Variants in CD38 observed in about 807,000 individuals in gnomAD.
The protein encoded by CD38 is ADP-ribosyl cyclase/cyclic ADP-ribose hydrolase 1.
Under a neutral mutation model 36.3 loss-of-function variants are expected in CD38, and 31 were observed. The ratio of observed to expected loss-of-function variants is 0.85; its 90% confidence interval spans 0.64 to 1.15. CD38 has a LOEUF of 1.15. Among genes scored for constraint, CD38 ranks in the 50% most tolerant of loss-of-function variants. The probability of loss-of-function intolerance (pLI) is 0.00; values close to 1 mark genes in which losing one functional copy is unlikely to be tolerated. For synonymous variants in CD38, 131 were observed against 135.2 expected, an observed-to-expected ratio of 0.97 and a Z score of 0.22; for missense variants, 380 against 371.9, an observed-to-expected ratio of 1.02 and a Z score of -0.18.
chr4:15,779,791 C>T (rs140742482), intron 1 of CD38, among the ~76,000 whole-genome samples: 33 of 150,890 alleles, frequency 2.2e-4, no homozygotes, highest in African/African-American at 7.1e-4. Context: ...TGTTAGAAAG[C>T]AACCTCATTA....
chr4:15,834,175 T>C, intron 3 of CD38, 42 bp from the exon 4 acceptor site: 1 of 1,282,760 alleles, frequency 7.8e-7, no homozygotes, highest in Non-Finnish European at 1.1e-6. Context: ...TTATTTATAC[T>C]CTCTGTTTTC....
intron 1 of CD38, among the ~76,000 whole-genome samples, chr4:15,800,031 GCA>G (rs1723185778): frequency 6.6e-6 from 1 of 152,142 alleles, no homozygotes; most frequent in Non-Finnish European, 1.5e-5. Flanking sequence ...GGGTATGCCT[GCA>G]GCTGCAGAAA....
intron 2 of CD38, among the ~76,000 whole-genome samples, chr4:15,818,679 C>A (rs1237524290): frequency 6.6e-6 from 1 of 152,168 alleles, no homozygotes; most frequent in Non-Finnish European, 1.5e-5. Context: ...CTTTGCTGTT[C>A]TGTAGCCTCC....
intron 1 of CD38, among the ~76,000 whole-genome samples, chr4:15,791,173 T>TGG (rs1560307627): frequency 8.3e-5 from 6 of 72,520 alleles, no homozygotes; most frequent in Non-Finnish European, 1.6e-4. Flanking sequence ...GGGAGGGAGG[T>TGG]GGGGGGGTCA....
intron 2 of CD38, among the ~76,000 whole-genome samples, chr4:15,823,842 T>G (rs932564327): frequency 2.0e-5 from 3 of 152,168 alleles, no homozygotes; most frequent in Non-Finnish European, 4.4e-5. Flanking sequence ...ATTATAAAGA[T>G]ATGTGCATGC....
At chr4:15,830,258 T>C (rs1468871183) in intron 3 of CD38, among the ~76,000 whole-genome samples, 1 of 152,242 alleles carries the variant, frequency 6.6e-6, no homozygotes, top group East Asian at 1.9e-4. Context: ...TTATTTGTTA[T>C]TGCCTGACTT....
chr4:15,815,888 T>C (rs1723584613), intron 1 of CD38, among the ~76,000 whole-genome samples: 1 of 152,234 alleles, frequency 6.6e-6, no homozygotes, highest in South Asian at 2.1e-4. Flanking sequence ...TAGTATGATA[T>C]GGGCTATGGG....
intron 7 of CD38, 70 bp from the exon 8 acceptor site, chr4:15,848,469 T>A: frequency 8.7e-7 from 1 of 1,149,226 alleles, no homozygotes; most frequent in Non-Finnish European, 1.3e-6. Flanking sequence ...AGGGGCTTCC[T>A]CCATTAGCGA....
At chr4:15,788,250 G>T (rs184220625) in intron 1 of CD38, among the ~76,000 whole-genome samples, 1 of 152,284 alleles carries the variant, frequency 6.6e-6, no homozygotes, top group East Asian at 1.9e-4. Context: ...GATGAGCCTG[G>T]TTCAGCCTCA....
At chr4:15,792,483 G>T (rs1212609794) in intron 1 of CD38, among the ~76,000 whole-genome samples, 1 of 133,760 alleles carries the variant, frequency 7.5e-6, no homozygotes, top group Non-Finnish European at 1.6e-5. Flanking sequence ...GAAAAGAAAA[G>T]CAGCAAGCCA....
chr4:15,793,238 G>A (rs1723042078), intron 1 of CD38, among the ~76,000 whole-genome samples: 1 of 151,564 alleles, frequency 6.6e-6, no homozygotes, highest in Non-Finnish European at 1.5e-5. Flanking sequence ...GCTTGCTACT[G>A]TGTTTTTCAT....
At chr4:15,803,027 A>G (rs1282539029) in intron 1 of CD38, among the ~76,000 whole-genome samples, 1 of 152,240 alleles carries the variant, frequency 6.6e-6, no homozygotes, top group Non-Finnish European at 1.5e-5. Flanking sequence ...CAACAGCACT[A>G]AGAACATAAA....
chr4:15,788,619 C>A (rs966206978), intron 1 of CD38, among the ~76,000 whole-genome samples: 1 of 152,012 alleles, frequency 6.6e-6, no homozygotes, highest in African/African-American at 2.4e-5. Context: ...ACTTGTTGCA[C>A]GGGGGTAGGT....
At chr4:15,848,415 T>C (rs374270692) in intron 7 of CD38, 124 bp from the exon 8 acceptor site, 7 of 623,466 alleles carry the variant, frequency 1.1e-5, no homozygotes, top group African/African-American at 1.1e-4. Flanking sequence ...GAGAGGAGTT[T>C]ATATGGATGC....
In CD38 at chr4:15,814,838, G is replaced by A. The variant is rs143050403; in HGVS notation, c.234-1673G>A. On this transcript the variant is annotated intron_variant, in intron 1 of 7. Transcript: ENST00000226279. ...TTTTTTTTTTTTGAGATGAGATCTCGCTCTGTTACCCAGGCTGGAGTGCAG... is the reference window on the plus strand; with the variant it reads ...TTTTTTTTTTTTGAGATGAGATCTCACTCTGTTACCCAGGCTGGAGTGCAG... 6.6e-3 allele frequency among the ~76,000 whole-genome samples: 980 copies of A among 148,838 alleles called. 12 individuals carry two copies. Among genetic ancestry groups the A allele is most frequent in the African/African-American group, 0.023 (918 of 40,362 alleles).
chr4:15,826,028 ATTGT>A (rs1723837197), intron 3 of CD38: 1 of 148,208 alleles, frequency 6.7e-6, no homozygotes, highest in South Asian at 2.1e-4. Context: ...ACTGTTTTTC[ATTGT>A]TTGTTTTTAA....
intron 1 of CD38, among the ~76,000 whole-genome samples, chr4:15,797,156 G>T (rs1460092160): frequency 6.6e-6 from 1 of 152,104 alleles, no homozygotes; most frequent in Non-Finnish European, 1.5e-5. Flanking sequence ...ATAAGGGAAC[G>T]TTACCTCAGT....
At chr4:15,801,694 A>C (rs1002186219) in intron 1 of CD38, among the ~76,000 whole-genome samples, 1 of 152,182 alleles carries the variant, frequency 6.6e-6, no homozygotes, top group Non-Finnish European at 1.5e-5. Flanking sequence ...GACAAAAATC[A>C]TATGATCACC....
intron 1 of CD38, among the ~76,000 whole-genome samples, chr4:15,805,623 T>C (rs1026427814): frequency 6.6e-6 from 1 of 152,262 alleles, no homozygotes; most frequent in African/African-American, 2.4e-5. Flanking sequence ...TGATGTACCC[T>C]AAGTGCTCAC....
Sources: gnomAD v4.1 joint callset for allele counts (sites outside exome capture counted in the v4.1 genomes callset) on GRCh38, gnomAD v4.1.1 for gene constraint, MANE v1.5 for transcripts, NCBI Gene and HGNC (gene_info 2026-07-23, HGNC 2026-07-21) for gene names.